Variants in ORC1 observed in about 807,000 individuals in gnomAD.
ORC1 encodes the protein origin recognition complex, subunit 1 homolog.
ORC1 carries 61 observed loss-of-function variants against 98.9 expected under a neutral mutation model. That is an observed-to-expected ratio of 0.62 (90% CI 0.50 to 0.76). The LOEUF (loss-of-function observed/expected upper bound fraction) is 0.76. Among genes scored for constraint, ORC1 ranks in the 30% least tolerant of loss-of-function variants. The probability of loss-of-function intolerance (pLI) is 0.00; values close to 1 mark genes in which losing one functional copy is unlikely to be tolerated. For missense variants in ORC1, 979 were observed against 1,072.2 expected, an observed-to-expected ratio of 0.91 and a Z score of 1.21; for synonymous variants, 385 against 406.9, an observed-to-expected ratio of 0.95 and a Z score of 0.65.
chr1:52,378,422 G>A (rs974948802), intron 14 of ORC1, among the ~76,000 whole-genome samples: 1 of 151,840 alleles, frequency 6.6e-6, no homozygotes, highest in Non-Finnish European at 1.5e-5. Context: ...AACTTTGGGA[G>A]GCCAAGGCAG....
upstream of ORC1, among the ~76,000 whole-genome samples, chr1:52,409,282 C>G (rs762294963): frequency 6.6e-6 from 1 of 152,186 alleles, no homozygotes; most frequent in Non-Finnish European, 1.5e-5. Context: ...GAACATTTAC[C>G]TTTCCCCCTA....
chr1:52,400,212 C>T lies in ORC1; in HGVS notation c.223+1150G>A, dbSNP rs78798254. ...TCTCCCCTTATCTGCTGAGGGTACG[C>T]GCCAAGACCAGTAGATGCTTGAACC... is the stretch of plus-strand genomic sequence containing the variant. On this transcript the variant is annotated intron_variant, in intron 3 of 16. Transcript: ENST00000371568. Among the ~76,000 whole-genome samples, 436 of 152,262 alleles carry T rather than the reference C, an allele frequency of 2.9e-3. 2 individuals carry two copies. The highest frequency in any genetic ancestry group is 9.9e-3 in the African/African-American group (411 of 41,542).
chr1:52,395,303 T>C (rs897042919), intron 5 of ORC1, among the ~76,000 whole-genome samples: 4 of 152,298 alleles, frequency 2.6e-5, no homozygotes, highest in East Asian at 1.9e-4. Flanking sequence ...TATATGTATA[T>C]GTATCTGCTG....
chr1:52,385,787 A>C (rs1569926057), intron 9 of ORC1, 65 bp downstream of exon 9: 2 of 1,053,920 alleles, frequency 1.9e-6, no homozygotes, highest in East Asian at 4.8e-5. Context: ...TGCTAATTTT[A>C]TGTGAATGAA....
chr1:52,383,636 A>C (rs1647102792), intron 12 of ORC1, 67 bp from the exon 13 acceptor site: 1 of 1,542,440 alleles, frequency 6.5e-7, no homozygotes, highest in South Asian at 1.1e-5. Context: ...CAAAATGAAG[A>C]CCTATAACCA....
chr1:52,403,059 A>G (rs906557753), intron 1 of ORC1, among the ~76,000 whole-genome samples: 4 of 152,228 alleles, frequency 2.6e-5, no homozygotes, highest in African/African-American at 4.8e-5. Context: ...AAACTGGATA[A>G]TGTTAATATG....
chr1:52,400,594 G>C (rs1241383942), intron 3 of ORC1, among the ~76,000 whole-genome samples: 2 of 152,188 alleles, frequency 1.3e-5, no homozygotes, highest in East Asian at 3.9e-4. Context: ...CCCTTCTTCT[G>C]TCTCTTGAAC....
chr1:52,383,055 T>C (rs1018489120), intron 13 of ORC1, among the ~76,000 whole-genome samples: 1 of 152,228 alleles, frequency 6.6e-6, no homozygotes, highest in East Asian at 1.9e-4. Flanking sequence ...CAATTTATTT[T>C]AGTATTCATT....
intron 14 of ORC1, among the ~76,000 whole-genome samples, chr1:52,379,027 C>T (rs891118668): frequency 1.3e-5 from 2 of 150,604 alleles, no homozygotes; most frequent in African/African-American, 2.4e-5. Context: ...AGCGAGACTC[C>T]GTCTCAAAAA....
chr1:52,383,692 A>G, intron 12 of ORC1, 123 bp from the exon 13 acceptor site: 1 of 1,315,530 alleles, frequency 7.6e-7, no homozygotes, highest in Non-Finnish European at 1.1e-6. Flanking sequence ...AAAACAATCC[A>G]TTGACACACG....
intron 13 of ORC1, 108 bp downstream of exon 13, chr1:52,383,312 G>A: frequency 7.4e-7 from 1 of 1,347,100 alleles, no homozygotes; most frequent in Admixed American, 1.7e-5. Flanking sequence ...GCCTCCCAAA[G>A]TGCGGGGTTT....
chr1:52,389,211 T>C lies in ORC1; in HGVS notation c.1187+6A>G. ...TGTTTCTCTGCCTGCCAAGGAGTAG[T>C]CTTACCGAAGCTGCTGCCTAATCCG... On this transcript the variant is annotated splice_donor_region_variant and intron_variant, in intron 7 of 16. Transcript: ENST00000371568. The C allele has an allele frequency of 6.2e-7, 1 of 1,606,548 alleles. No homozygotes were observed. Among genetic ancestry groups the C allele is most frequent in the Non-Finnish European group, 8.5e-7 (1 of 1,173,108 alleles).
rs180969372 is a variant in ORC1, at chr1:52,378,499, A to G, written c.2134-2900T>C. Among the ~76,000 whole-genome samples the G allele has an allele frequency of 7.3e-5, 11 of 151,692 alleles. No homozygotes were observed. The East Asian group carries it at 2.1e-3, about 30-fold the overall frequency. On this transcript the variant is annotated intron_variant, in intron 14 of 16. Coordinates refer to ENST00000371568, the MANE Select transcript of ORC1 (RefSeq NM_004153.4). ...ACATGGTAAAACTCCGCCTCTACTAAAAATACAAAACTTAGCTGGGCATGG... is the reference window on the plus strand; with the variant it reads ...ACATGGTAAAACTCCGCCTCTACTAGAAATACAAAACTTAGCTGGGCATGG...
intron 2 of ORC1, among the ~76,000 whole-genome samples, chr1:52,401,875 T>C (rs1405139597): frequency 1.3e-5 from 2 of 152,162 alleles, no homozygotes; most frequent in African/African-American, 2.4e-5. Flanking sequence ...AAAAGTTATA[T>C]AGAACTCACC....
At chr1:52,391,137 C>T (rs1234200049) in intron 6 of ORC1, among the ~76,000 whole-genome samples, 7 of 151,436 alleles carry the variant, frequency 4.6e-5, no homozygotes, top group Non-Finnish European at 7.4e-5. Flanking sequence ...GGTGAAACCC[C>T]GTCTCTACTA....
chr1:52,379,337 A>G lies in ORC1; in HGVS notation c.2133+2305T>C, dbSNP rs531813786. On this transcript the variant is annotated intron_variant, in intron 14 of 16. Coordinates refer to ENST00000371568, the MANE Select transcript of ORC1 (RefSeq NM_004153.4). The stretch of plus-strand genomic sequence containing the variant: ...CGGCTCACTGCAACCTCAGCCTCCC[A>G]GGTTCAAGCGATTCTCCTGCCTCAG... Among the ~76,000 whole-genome samples, 83 of 148,360 alleles carry G rather than the reference A, an allele frequency of 5.6e-4. 1 individual carries two copies. The highest frequency in any genetic ancestry group is 6.2e-4 in the Non-Finnish European group (42 of 67,230).
At chr1:52,394,838 C>T (rs1409989093) in intron 5 of ORC1, among the ~76,000 whole-genome samples, 1 of 152,008 alleles carries the variant, frequency 6.6e-6, no homozygotes, top group Non-Finnish European at 1.5e-5. Context: ...TTAGTAGAGA[C>T]GGGGTTTCAC....
In ORC1 at chr1:52,388,437, C is replaced by T; in HGVS notation, c.1383+5G>A. On this transcript the variant is annotated splice_donor_5th_base_variant and intron_variant, in intron 8 of 16. Transcript: ENST00000371568. ...CAATGGGAAGTAAACCTAGAAGAAC[C>T]TTACACTCTTCTTTGGCACCTTCGT... The T allele has an allele frequency of 6.2e-7, 1 of 1,611,552 alleles. No homozygotes were observed. Among genetic ancestry groups the T allele is most frequent in the Non-Finnish European group, 8.5e-7 (1 of 1,177,740 alleles).
At chr1:52,401,766 T>A (rs144917249) in intron 2 of ORC1, among the ~76,000 whole-genome samples, 1 of 152,300 alleles carries the variant, frequency 6.6e-6, no homozygotes, top group African/African-American at 2.4e-5. Context: ...AACAAATGTT[T>A]CCCAAGGCTG....
Sources: allele counts gnomAD v4.1 joint callset (sites outside exome capture counted in the v4.1 genomes callset), GRCh38; gene constraint gnomAD v4.1.1; transcripts MANE v1.5; gene names NCBI Gene and HGNC (gene_info 2026-07-23, HGNC 2026-07-21).